PI4KB: variants seen among roughly 807,000 people sequenced by gnomAD.
The protein encoded by PI4KB is phosphatidylinositol 4-kinase beta.
PI4KB carries 23 observed loss-of-function variants against 81.4 expected under a neutral mutation model. That is an observed-to-expected ratio of 0.28 (90% CI 0.20 to 0.40). PI4KB has a LOEUF of 0.40. Among genes scored for constraint, PI4KB ranks in the 10% least tolerant of loss-of-function variants. PI4KB has a pLI of 1.00. For synonymous variants in PI4KB, 381 were observed against 406.8 expected, an observed-to-expected ratio of 0.94 and a Z score of 0.76; for missense variants, 651 against 1,036.6, an observed-to-expected ratio of 0.63 and a Z score of 5.11.
intron 8 of PI4KB, chr1:151,300,703 A>G (rs1175230199): frequency 6.6e-6 from 1 of 152,222 alleles, no homozygotes; most frequent in African/African-American, 2.4e-5. Flanking sequence ...GCTGGAGTGC[A>G]GTGGCTATTC....
intron 9 of PI4KB, among the ~76,000 whole-genome samples, chr1:151,294,993 G>C (rs1034174976): frequency 1.3e-5 from 2 of 152,200 alleles, no homozygotes; most frequent in Non-Finnish European, 2.9e-5. Context: ...GCCCACTGCA[G>C]ATCAGAGGCC....
At chr1:151,321,314 T>C (rs1321172287) in intron 1 of PI4KB, among the ~76,000 whole-genome samples, 1 of 152,248 alleles carries the variant, frequency 6.6e-6, no homozygotes, top group Non-Finnish European at 1.5e-5. Flanking sequence ...GCAAGTCATA[T>C]GGAGAAGAAG....
At chr1:151,326,638 T>G (rs1471374093) in intron 1 of PI4KB, among the ~76,000 whole-genome samples, 1 of 152,060 alleles carries the variant, frequency 6.6e-6, no homozygotes, top group Non-Finnish European at 1.5e-5. Context: ...GAGTGAGGAC[T>G]AGGTTCAAAG....
At chr1:151,295,968 G>A (rs1405379109) in intron 9 of PI4KB, among the ~76,000 whole-genome samples, 1 of 152,156 alleles carries the variant, frequency 6.6e-6, no homozygotes. Flanking sequence ...ATTCTCGGCC[G>A]GATGCAGTGG....
At chr1:151,302,654 T>G (rs1695390714) in intron 6 of PI4KB, among the ~76,000 whole-genome samples, 1 of 150,516 alleles carries the variant, frequency 6.6e-6, no homozygotes, top group African/African-American at 2.4e-5. Context: ...CTCGGCTCAC[T>G]GCAAGCTCCG....
chr1:151,316,908 C>A (rs1477112836), intron 1 of PI4KB, among the ~76,000 whole-genome samples: 1 of 151,810 alleles, frequency 6.6e-6, no homozygotes, highest in African/African-American at 2.4e-5. Context: ...CTGTAAGTTC[C>A]GCCTCCCGGG....
intron 11 of PI4KB, 60 bp downstream of exon 11, chr1:151,293,958 G>A: frequency 6.2e-7 from 1 of 1,601,100 alleles, no homozygotes; most frequent in Non-Finnish European, 8.5e-7. Context: ...TATGCTCCAG[G>A]GCTCCGACTT....
chr1:151,301,876 G>C lies in PI4KB; in HGVS notation c.1717C>G (p.Leu573Val). 1 of 1,614,128 alleles carries C rather than the reference G, an allele frequency of 6.2e-7. No homozygotes were observed. Among genetic ancestry groups the C allele is most frequent in the Non-Finnish European group, 8.5e-7 (1 of 1,180,018 alleles). Residue 573 changes from leucine (L) to valine (V), a missense_variant, in exon 8 of 12, where the codon CTT becomes GTT. Coordinates refer to ENST00000368873, the MANE Select transcript of PI4KB (RefSeq NM_001369623.2). Reference sequence around the variant, plus strand: ...TGCTTCAACACCTGAAAGGCCAGAAGCTCTTGCCGAAGGTCATCCCCACAC... The same window carrying C: ...TGCTTCAACACCTGAAAGGCCAGAACCTCTTGCCGAAGGTCATCCCCACAC... ...VKCGDDLRQE[L>V]LAFQVLKQLQ...
At chr1:151,317,086 A>G (rs1027915806) in intron 1 of PI4KB, among the ~76,000 whole-genome samples, 4 of 151,840 alleles carry the variant, frequency 2.6e-5, no homozygotes, top group Non-Finnish European at 2.9e-5. Context: ...CGGCCTCCCA[A>G]AGTGCTGGGA....
rs1694378524 is a variant in PI4KB, at chr1:151,292,540, A to C, written c.*312T>G. 3 of 302,388 alleles carry C rather than the reference A, an allele frequency of 9.9e-6. No individual in the cohort carries two copies. The highest frequency in any genetic ancestry group is 1.9e-5 in the Non-Finnish European group (3 of 160,834). 18.7% of individuals were successfully genotyped at this position (302,388 alleles called of 1,614,324 possible). ...CTGAGAGACCCCTACAAGGAGAAGA[A>C]AGGCCCCAGTGTCCCTCACATTTGT... On this transcript the variant is annotated 3_prime_UTR_variant, in exon 12 of 12. Transcript: ENST00000368873.
At chr1:151,322,839 C>T (rs1369997048) in intron 1 of PI4KB, among the ~76,000 whole-genome samples, 1 of 152,042 alleles carries the variant, frequency 6.6e-6, no homozygotes, top group Non-Finnish European at 1.5e-5. Flanking sequence ...GGGGATGCTT[C>T]CAAGGAGGAA....
In PI4KB at chr1:151,292,826, CCA is replaced by C. The variant is rs1694411368; in HGVS notation, c.*24_*25del. On this transcript the variant is annotated 3_prime_UTR_variant, in exon 12 of 12. Coordinates refer to ENST00000368873, the MANE Select transcript of PI4KB (RefSeq NM_001369623.2). ...CTCTAGGGAGGGTGCCCTGGACCCC[CCA>C]CCACTCCTGGGCTGAGGAGCGTGTC... is the stretch of plus-strand genomic sequence containing the variant. The C allele has an allele frequency of 1.2e-6, 2 of 1,608,358 alleles. No individual in the cohort carries two copies.
At chr1:151,297,608 G>A (rs1035799624) in intron 9 of PI4KB, among the ~76,000 whole-genome samples, 20 of 151,488 alleles carry the variant, frequency 1.3e-4, no homozygotes, top group African/African-American at 4.6e-4. Flanking sequence ...TGCCATCTTG[G>A]CCCACTGCAA....
At chr1:151,297,957 T>C (rs1015830423) in intron 9 of PI4KB, among the ~76,000 whole-genome samples, 1 of 152,208 alleles carries the variant, frequency 6.6e-6, no homozygotes, top group African/African-American at 2.4e-5. Flanking sequence ...CTGGAACTCA[T>C]AGGAGCATTC....
intron 1 of PI4KB, 55 bp downstream of exon 1, chr1:151,327,216 A>ACGGGGGGGCCCCCCCCC: frequency 9.7e-6 from 1 of 102,622 alleles, no homozygotes; most frequent in Non-Finnish European, 1.8e-5. Flanking sequence ...TGGGAGAGGG[A>ACGGGGGGGCCCCCCCCC]CCCCCCCCCC....
Position 151,294,011 on chromosome 1 carries a change from G to A in PI4KB, c.2269+7C>T. The A allele has an allele frequency of 6.8e-6, 11 of 1,613,870 alleles. No individual in the cohort carries two copies. Among genetic ancestry groups the A allele is most frequent in the Non-Finnish European group, 9.3e-6 (11 of 1,179,886 alleles). On this transcript the variant is annotated splice_region_variant and intron_variant, in intron 11 of 11. Transcript: ENST00000368873. ...CACTATAGCACCTGACCTCACCCCA[G>A]CCCCACCTTGCTGCATGATCTCCAC...
chr1:151,297,268 C>T (rs1694881056), intron 9 of PI4KB, among the ~76,000 whole-genome samples: 1 of 151,758 alleles, frequency 6.6e-6, no homozygotes, highest in Non-Finnish European at 1.5e-5. Flanking sequence ...TTTGTAGAGA[C>T]GGGATCTAAC....
intron 4 of PI4KB, among the ~76,000 whole-genome samples, chr1:151,306,843 G>A (rs768445932): frequency 1.6e-4 from 24 of 152,312 alleles, no homozygotes; most frequent in Admixed American, 8.5e-4. Context: ...TTGGGGGGCC[G>A]AGGCGGGTGG....
intron 2 of PI4KB, among the ~76,000 whole-genome samples, chr1:151,311,802 A>C (rs1696250978): frequency 6.6e-6 from 1 of 152,184 alleles, no homozygotes; most frequent in Non-Finnish European, 1.5e-5. Context: ...ATGAAGCAAG[A>C]AGCTGACATC....
Sources: gnomAD v4.1 joint callset for allele counts (sites outside exome capture counted in the v4.1 genomes callset) on GRCh38, gnomAD v4.1.1 for gene constraint, MANE v1.5 for transcripts, NCBI Gene and HGNC (gene_info 2026-07-23, HGNC 2026-07-21) for gene names.